Variants in EML2 observed in about 807,000 individuals in gnomAD.
EML2 encodes the protein echinoderm microtubule-associated protein-like 2.
Under a neutral mutation model 84.7 loss-of-function variants are expected in EML2, and 59 were observed. That is an observed-to-expected ratio of 0.70 (90% CI 0.56 to 0.86). EML2 has a LOEUF of 0.86. Ranked by LOEUF, EML2 falls within the 40% of genes least tolerant of loss-of-function variation. The pLI is 0.00. For synonymous variants in EML2, 352 were observed against 348.9 expected, an observed-to-expected ratio of 1.01 and a Z score of -0.10; for missense variants, 818 against 855.6, an observed-to-expected ratio of 0.96 and a Z score of 0.55.
intron 6 of EML2, chr19:45,632,604 G>C: frequency 2.1e-6 from 1 of 480,550 alleles, no homozygotes; most frequent in Non-Finnish European, 3.8e-6. Flanking sequence ...GCCTGGACAT[G>C]CCAAAACCCG....
chr19:45,622,070 TCCACCCACCCAA>T (rs1971781470), intron 9 of EML2, among the ~76,000 whole-genome samples: 1 of 151,900 alleles, frequency 6.6e-6, no homozygotes, highest in Admixed American at 6.6e-5. Context: ...TATCTGCTCT[TCCACCCACCCAA>T]CCACCCAAGC....
chr19:45,623,126 G>A (rs547716545), intron 9 of EML2, among the ~76,000 whole-genome samples: 3 of 151,318 alleles, frequency 2.0e-5, no homozygotes, highest in African/African-American at 4.8e-5. Flanking sequence ...TTGGGAGGCC[G>A]AGGTGGGCGG....
At chr19:45,610,339 G>A (rs982007745) in intron 18 of EML2, among the ~76,000 whole-genome samples, 3 of 152,128 alleles carry the variant, frequency 2.0e-5, no homozygotes, top group African/African-American at 4.8e-5. Context: ...GGAGGTTGCA[G>A]TGAGCCAAGA....
At chr19:45,639,328 A>G in intron 1 of EML2, 29 bp downstream of exon 1, 2 of 1,346,508 alleles carry the variant, frequency 1.5e-6, no homozygotes, top group Non-Finnish European at 1.9e-6. Context: ...CGGAGAGGAG[A>G]TGGGGGGTGG....
At chr19:45,624,572 G>A in intron 9 of EML2, 147 bp downstream of exon 9, 1 of 634,286 alleles carries the variant, frequency 1.6e-6, no homozygotes, top group Non-Finnish European at 2.8e-6. Context: ...TGGAGATAGG[G>A]ATACTTGAGC....
chr19:45,645,494 T>C, upstream of EML2: 2 of 1,379,144 alleles, frequency 1.5e-6, no homozygotes, highest in Non-Finnish European at 1.9e-6. Context: ...GGCCCGGCGC[T>C]GGGGTCATCC....
upstream of EML2, chr19:45,642,477 G>T: frequency 6.9e-7 from 1 of 1,439,682 alleles, no homozygotes. Context: ...GCTACCTGGG[G>T]CTGGGACACT....
intron 7 of EML2, among the ~76,000 whole-genome samples, chr19:45,629,316 T>A (rs1328947265): frequency 6.6e-6 from 1 of 151,126 alleles, no homozygotes; most frequent in African/African-American, 2.4e-5. Context: ...AGTGCCAGAT[T>A]TTCTGTTTGT....
At chr19:45,621,668 G>A (rs954088605) in intron 9 of EML2, 31 bp from the exon 10 acceptor site, 2 of 1,597,858 alleles carry the variant, frequency 1.3e-6, no homozygotes, top group Non-Finnish European at 1.7e-6. Context: ...GGGTCAACAG[G>A]GAGAAGCCAC....
At chr19:45,642,993 AAAAAAG>A (rs1251605779), upstream of EML2, among the ~76,000 whole-genome samples, 6 of 150,968 alleles carry the variant, frequency 4.0e-5, no homozygotes, top group Admixed American at 6.6e-5. Flanking sequence ...TCAAAAAAAA[AAAAAAG>A]AAAAAAGAAA....
Position 45,614,640 on chromosome 19 carries a change from G to A in EML2, c.1658C>T (p.Ala553Val), listed in dbSNP as rs760797620. Residue 553 changes from alanine (A) to valine (V), a missense_variant, in exon 17 of 19, where the codon GCC becomes GTC. Coordinates refer to ENST00000245925, the MANE Select transcript of EML2 (RefSeq NM_012155.4). ...AAACCCTAGGACACAAGTAGCTGTG[G>A]CCCATTCCATGTTCCTCACAGCATC... The part of the protein sequence containing the change: ...SADAVRNMEW[A>V]TATCVLGFGV... The A allele has an allele frequency of 6.2e-7, 1 of 1,614,058 alleles. No individual in the cohort carries two copies. Among genetic ancestry groups the A allele is most frequent in the African/African-American group, 1.3e-5 (1 of 75,040 alleles).
chr19:45,614,778 A>T (rs1970842756), intron 16 of EML2, 78 bp from the exon 17 acceptor site: 2 of 1,231,972 alleles, frequency 1.6e-6, no homozygotes, highest in Non-Finnish European at 2.4e-6. Flanking sequence ...AGACAATCGG[A>T]GCTGAGGTCC....
intron 1 of EML2, 64 bp from the exon 2 acceptor site, chr19:45,638,937 C>A (rs1568490257): frequency 1.9e-6 from 3 of 1,584,388 alleles, no homozygotes; most frequent in Admixed American, 3.4e-5. Context: ...GGGGAGAAAC[C>A]ATTCCTCCAC....
At chr19:45,611,458 A>G (rs1463908397) in intron 18 of EML2, among the ~76,000 whole-genome samples, 3 of 149,184 alleles carry the variant, frequency 2.0e-5, no homozygotes, top group Non-Finnish European at 4.4e-5. Flanking sequence ...GAGTGGTCAG[A>G]GGCTTGTGGA....
intron 12 of EML2, among the ~76,000 whole-genome samples, chr19:45,618,325 C>T (rs868329049): frequency 5.9e-5 from 9 of 152,032 alleles, no homozygotes; most frequent in Non-Finnish European, 1.2e-4. Flanking sequence ...ATCTACCTGC[C>T]TCAGCCTCCC....
Position 45,638,888 on chromosome 19 carries a change from C to T in EML2, c.21-15G>A, listed in dbSNP as rs754625041. The T allele has an allele frequency of 1.1e-5, 18 of 1,604,952 alleles. No individual in the cohort carries two copies. Among genetic ancestry groups the T allele is most frequent in the Non-Finnish European group, 1.4e-5 (16 of 1,177,010 alleles). ...CTTTGGTTTTGCTGTCAGGAAAGGACAAAGAAAAAAAAAGGGTCTTAGTAT... is the reference window on the plus strand; with the variant it reads ...CTTTGGTTTTGCTGTCAGGAAAGGATAAAGAAAAAAAAAGGGTCTTAGTAT... On this transcript the variant is annotated splice_polypyrimidine_tract_variant and intron_variant, in intron 1 of 18. Coordinates refer to ENST00000245925, the MANE Select transcript of EML2 (RefSeq NM_012155.4).
At chr19:45,643,803 G>A, upstream of EML2, 2 of 1,453,886 alleles carry the variant, frequency 1.4e-6, no homozygotes, top group Non-Finnish European at 1.8e-6. Flanking sequence ...CCCCCACTCA[G>A]CGCCTCCCAG....
intron 8 of EML2, among the ~76,000 whole-genome samples, chr19:45,625,851 C>T (rs184827342): frequency 6.6e-6 from 1 of 151,264 alleles, no homozygotes; most frequent in East Asian, 1.9e-4. Context: ...ATATCGACAA[C>T]CGCAGCACCC....
intron 17 of EML2, 142 bp downstream of exon 17, chr19:45,614,463 C>G (rs1970809037): frequency 2.7e-6 from 2 of 731,358 alleles, no homozygotes; most frequent in Middle Eastern, 2.5e-4. Context: ...CTACCCTTTC[C>G]TCTTACACAA....
Sources: gnomAD v4.1 joint callset for allele counts (sites outside exome capture counted in the v4.1 genomes callset) on GRCh38, gnomAD v4.1.1 for gene constraint, MANE v1.5 for transcripts, NCBI Gene and HGNC (gene_info 2026-07-23, HGNC 2026-07-21) for gene names.